The following WDR33 variants were observed in gnomAD, a reference collection of about 807,000 sequenced individuals.
WDR33 encodes pre-mRNA 3' end processing protein WDR33.
Under a neutral mutation model 164.9 loss-of-function variants are expected in WDR33, and 47 were observed. The observed-to-expected ratio is 0.29, with a 90% CI of 0.23 to 0.36. The LOEUF (loss-of-function observed/expected upper bound fraction) is 0.36, where lower values mean the gene tolerates loss of function less well. Among genes scored for constraint, WDR33 ranks in the 10% least tolerant of loss-of-function variants. The pLI, the probability that WDR33 is intolerant of heterozygous loss-of-function variation, is 1.00. For missense variants in WDR33, 1,137 were observed against 1,754.1 expected (o/e 0.65, Z 6.28); for synonymous variants, 505 against 589.0 (o/e 0.86, Z 2.06).
intron 1 of WDR33, among the ~76,000 whole-genome samples, chr2:127,781,789 G>A (rs1195508828): frequency 2.7e-5 from 4 of 150,466 alleles, no homozygotes; most frequent in Non-Finnish European, 5.9e-5. Flanking sequence ...ACCTGAGGTC[G>A]GGAGTTTGAG....
At chr2:127,707,565 AGTG>A (rs1470469708) in intron 21 of WDR33, among the ~76,000 whole-genome samples, 6 of 152,244 alleles carry the variant, frequency 3.9e-5, no homozygotes, top group African/African-American at 1.2e-4. Flanking sequence ...TGGTGTGCTG[AGTG>A]CCCAAGAAAG....
intron 1 of WDR33, among the ~76,000 whole-genome samples, chr2:127,808,484 G>C (rs1689515463): frequency 6.6e-6 from 1 of 152,190 alleles, no homozygotes; most frequent in South Asian, 2.1e-4. Flanking sequence ...TTAGTAAAAT[G>C]TTTAAGGGCC....
In WDR33 at chr2:127,722,834, T is replaced by A. The variant is rs897508398; in HGVS notation, c.1379-104A>T. ...AATAGATTTTAAGTATTATGTCATT[T>A]ATATAATTTTTATCAACATTTCTCA... On this transcript the variant is annotated intron_variant, in intron 13 of 21. Coordinates refer to ENST00000322313, the MANE Select transcript of WDR33 (RefSeq NM_018383.5). The surrounding 1 kb of genome is among the most constrained non-coding windows in gnomAD (Gnocchi z 5.1). The A allele has an allele frequency of 4.9e-6, 7 of 1,414,782 alleles. No homozygotes were observed. Among genetic ancestry groups the A allele is most frequent in the Non-Finnish European group, 6.7e-6 (7 of 1,045,970 alleles). 87.6% of individuals were successfully genotyped at this position (1,414,782 alleles called of 1,614,324 possible).
At chr2:127,734,252 T>G (rs1686783143) in intron 7 of WDR33, among the ~76,000 whole-genome samples, 1 of 152,184 alleles carries the variant, frequency 6.6e-6, no homozygotes. Context: ...CCAAAAGAAA[T>G]TCCAAATTAA....
At chr2:127,775,538 A>T (rs1301933279) in intron 1 of WDR33, among the ~76,000 whole-genome samples, 2 of 152,350 alleles carry the variant, frequency 1.3e-5, no homozygotes, top group South Asian at 4.1e-4. Flanking sequence ...CAAAAAGTTG[A>T]TGACTGTTGA....
intron 7 of WDR33, among the ~76,000 whole-genome samples, chr2:127,749,640 C>T (rs1159439089): frequency 1.5e-5 from 2 of 133,938 alleles, no homozygotes; most frequent in African/African-American, 5.6e-5. Context: ...CCAGCCTGGG[C>T]AACAGAGTAG....
rs934830253 is a variant in WDR33 at position 127,713,325 on chromosome 2, C to T, written c.3308+258G>A. Reference sequence around the variant, plus strand: ...CAGCAAGTCTTGTAGTACACTGATCCTCCCATCTCTTTAGAAAGGACCAAA... The same window carrying T: ...CAGCAAGTCTTGTAGTACACTGATCTTCCCATCTCTTTAGAAAGGACCAAA... On this transcript the variant is annotated intron_variant, in intron 18 of 21. Transcript: ENST00000322313. This position sits in a 1 kb window ranked among gnomAD's most constrained non-coding sequence, Gnocchi z 6.2. 5.9e-5 allele frequency among the ~76,000 whole-genome samples: 9 copies of T among 152,144 alleles called. No individual in the cohort carries two copies. The highest frequency in any genetic ancestry group is 2.2e-4 in the African/African-American group (9 of 41,402).
Position 127,724,464 on chromosome 2 carries a change from G to A in WDR33, c.1086-21C>T, listed in dbSNP as rs1442627232. The stretch of plus-strand genomic sequence containing the variant: ...CTACCCTGCAACAGCACCAAAGAGA[G>A]AAGATTTGTTCACAAAAGTTACCCA... On this transcript the variant is annotated intron_variant, in intron 10 of 21. Coordinates refer to ENST00000322313, the MANE Select transcript of WDR33 (RefSeq NM_018383.5). This position sits in a 1 kb window ranked among gnomAD's most constrained non-coding sequence, Gnocchi z 4.8. 1 of 1,605,060 alleles carries A rather than the reference G, an allele frequency of 6.2e-7. No homozygotes were observed. Among genetic ancestry groups the A allele is most frequent in the East Asian group, 2.2e-5 (1 of 44,832 alleles).
intron 18 of WDR33, among the ~76,000 whole-genome samples, chr2:127,711,646 C>T (rs1287972736): frequency 1.3e-5 from 2 of 148,950 alleles, no homozygotes; most frequent in Non-Finnish European, 3.0e-5. Context: ...AAAACAATTG[C>T]TTCCTTAGCC....
intron 4 of WDR33, among the ~76,000 whole-genome samples, chr2:127,765,973 A>G (rs538387377): frequency 6.2e-4 from 94 of 152,274 alleles, no homozygotes; most frequent in African/African-American, 2.1e-3. Flanking sequence ...GACTATGCCA[A>G]TAACTTTTTT....
chr2:127,721,727 G>T lies in WDR33; in HGVS notation c.1671+109C>A. 8.5e-7 allele frequency: 1 copy of T among 1,182,882 alleles called. No homozygotes were observed. Among genetic ancestry groups the T allele is most frequent in the Non-Finnish European group, 1.2e-6 (1 of 868,832 alleles). 73.3% of individuals were successfully genotyped at this position (1,182,882 alleles called of 1,614,324 possible). A position where few individuals can be genotyped will look rare whatever the true frequency, so the allele number is the denominator to read the frequency against. ...ATAGCAACAGGAAATGGCGGTGTTT[G>T]TCAGACCATGGGAGAGCCCCTTCCC... On this transcript the variant is annotated intron_variant, in intron 15 of 21. Transcript: ENST00000322313. The surrounding 1 kb of genome is among the most constrained non-coding windows in gnomAD (Gnocchi z 4.9).
intron 1 of WDR33, among the ~76,000 whole-genome samples, chr2:127,802,135 T>A (rs1345350600): frequency 2.0e-5 from 3 of 150,046 alleles, no homozygotes; most frequent in African/African-American, 7.4e-5. Flanking sequence ...GCCACTGCAC[T>A]CCAGCCTGGA....
Position 127,708,996 on chromosome 2 carries a change from T to G in WDR33, c.3566-104A>C, listed in dbSNP as rs3815385. 32,552 of 1,252,990 alleles carry G rather than the reference T, an allele frequency of 0.026. 761 individuals are homozygous for G. Among genetic ancestry groups the G allele is most frequent in the African/African-American group, 0.11 (7,455 of 66,256 alleles). The allele number at this position is 1,252,990 out of a possible 1,614,324, so 77.6% of individuals were successfully genotyped here. A position where few individuals can be genotyped will look rare whatever the true frequency, so the allele number is the denominator to read the frequency against. On this transcript the variant is annotated intron_variant, in intron 20 of 21. Transcript: ENST00000322313. This position sits in a 1 kb window ranked among gnomAD's most constrained non-coding sequence, Gnocchi z 6.7. ...GAGCAACTCGAGAGCCACCGTTCAC[T>G]CATGCTGAATGCCCGCCAGAGGCCA... is the stretch of plus-strand genomic sequence containing the variant.
At position 127,712,458 on chromosome 2, in the gene WDR33, G is replaced by A. The variant is rs950622232; in HGVS notation, c.3308+1125C>T. Among the ~76,000 whole-genome samples, 33 of 152,116 alleles carry A rather than the reference G, an allele frequency of 2.2e-4. No homozygotes were observed. The highest frequency in any genetic ancestry group is 7.9e-4 in the African/African-American group (33 of 41,520). On this transcript the variant is annotated intron_variant, in intron 18 of 21. Transcript: ENST00000322313. The surrounding 1 kb of genome is among the most constrained non-coding windows in gnomAD (Gnocchi z 4.0). ...CACGGAAGGCTAAGGAGTAATCAGA[G>A]ACTATAGTAAAAGCTGAAGTGCTGA...
At position 127,702,043 on chromosome 2, in the gene WDR33, G is replaced by C. The variant is rs527864708; in HGVS notation, c.*4280C>G. 1.6e-6 allele frequency: 2 copies of C among 1,232,846 alleles called. No homozygotes were observed. Among genetic ancestry groups the C allele is most frequent in the Non-Finnish European group, 1.0e-6 (1 of 989,860 alleles). The allele number at this position is 1,232,846 out of a possible 1,614,324, so 76.4% of individuals were successfully genotyped here. A position where few individuals can be genotyped will look rare whatever the true frequency, so the allele number is the denominator to read the frequency against. On this transcript the variant is annotated 3_prime_UTR_variant, in exon 22 of 22. Transcript: ENST00000322313. ...CGCAGCACGCTGCTCACGGTGCTGGGCGCGGGCGCGCAGGTGGCCGCGCTG... is the reference window on the plus strand; with the variant it reads ...CGCAGCACGCTGCTCACGGTGCTGGCCGCGGGCGCGCAGGTGGCCGCGCTG...
In WDR33 at chr2:127,750,692, A is replaced by G. The variant is rs1281284606; in HGVS notation, c.724+12370T>C. ...AAAAAAAAAAAATATATATATATAT[A>G]TATATATATATATATATATATGTAT... On this transcript the variant is annotated intron_variant, in intron 7 of 21. Transcript: ENST00000322313. Among the ~76,000 whole-genome samples, 44 of 57,798 alleles carry G rather than the reference A, an allele frequency of 7.6e-4. 1 individual carries two copies. Among genetic ancestry groups the G allele is most frequent in the African/African-American group, 4.0e-3 (42 of 10,558 alleles). 37.9% of individuals were successfully genotyped at this position (57,798 alleles called of 152,430 possible). A position where few individuals can be genotyped will look rare whatever the true frequency, so the allele number is the denominator to read the frequency against.
intron 8 of WDR33, among the ~76,000 whole-genome samples, chr2:127,725,523 G>A (rs1414440371): frequency 6.6e-6 from 1 of 152,084 alleles, no homozygotes. Flanking sequence ...GATCACCTGA[G>A]GTCAGTTCAA....
chr2:127,727,472 C>G (rs948602615), intron 7 of WDR33, among the ~76,000 whole-genome samples: 1 of 151,984 alleles, frequency 6.6e-6, no homozygotes, highest in African/African-American at 2.4e-5. Context: ...CTCCATTTTA[C>G]AAGTGAAGAA....
At chr2:127,804,741 CA>C (rs1428407021) in intron 1 of WDR33, among the ~76,000 whole-genome samples, 8 of 152,228 alleles carry the variant, frequency 5.3e-5, no homozygotes, top group African/African-American at 1.9e-4. Context: ...TTACAGAAAA[CA>C]GTTAATGAAT....
Sources: allele counts gnomAD v4.1 joint callset (sites outside exome capture counted in the v4.1 genomes callset), GRCh38; gene constraint gnomAD v4.1.1; non-coding constraint Gnocchi (gnomAD v3.1); transcripts MANE v1.5; gene names NCBI Gene and HGNC (gene_info 2026-07-23, HGNC 2026-07-21).